The following KCTD16 variants were observed in gnomAD, a reference collection of about 807,000 sequenced individuals.
The protein encoded by KCTD16 is BTB/POZ domain-containing protein KCTD16.
A neutral mutation model predicts 33.2 loss-of-function variants in KCTD16; 13 were observed. That is an observed-to-expected ratio of 0.39 (90% CI 0.25 to 0.62). The LOEUF (loss-of-function observed/expected upper bound fraction) is 0.62, where lower values mean the gene tolerates loss of function less well. KCTD16 is among the 20% of genes least tolerant of loss of function. The probability of loss-of-function intolerance (pLI) is 0.50; values close to 1 mark genes in which losing one functional copy is unlikely to be tolerated. For synonymous variants in KCTD16, 197 were observed against 195.3 expected, an observed-to-expected ratio of 1.01 and a Z score of -0.07; for missense variants, 441 against 525.1, an observed-to-expected ratio of 0.84 and a Z score of 1.57.
At chr5:144,417,596 T>C (rs1045276560) in intron 3 of KCTD16, among the ~76,000 whole-genome samples, 18 of 152,162 alleles carry the variant, frequency 1.2e-4, no homozygotes, top group Non-Finnish European at 2.4e-4. Flanking sequence ...TAGAACAAAA[T>C]ATTTTTAAAT....
At chr5:144,278,518 T>A (rs1217110565) in intron 3 of KCTD16, among the ~76,000 whole-genome samples, 1 of 128,952 alleles carries the variant, frequency 7.8e-6, no homozygotes, top group South Asian at 2.3e-4. Context: ...TGAGACGGAG[T>A]CTCGCTCTGT....
In KCTD16 at chr5:144,351,400, A is replaced by T. The variant is rs142503853; in HGVS notation, c.833-122260A>T. ...GAATGGCTATTATCAAAAAGACAAG[A>T]TAAGTGTTGGTGAGGATGTGGGGAA... On this transcript the variant is annotated intron_variant, in intron 3 of 3. Transcript: ENST00000512467. 1.5e-3 allele frequency among the ~76,000 whole-genome samples: 233 copies of T among 152,312 alleles called. 1 individual carries two copies. Among genetic ancestry groups the T allele is most frequent in the African/African-American group, 5.4e-3 (224 of 41,562 alleles).
At chr5:144,171,480 A>C (rs1244312889) in intron 1 of KCTD16, among the ~76,000 whole-genome samples, 14 of 152,214 alleles carry the variant, frequency 9.2e-5, no homozygotes, top group Admixed American at 9.2e-4. Flanking sequence ...ATTTTGAGTC[A>C]GGATGTTTCT....
chr5:144,245,978 T>C (rs1754539142), intron 3 of KCTD16, among the ~76,000 whole-genome samples: 1 of 152,196 alleles, frequency 6.6e-6, no homozygotes, highest in African/African-American at 2.4e-5. Context: ...GGACACAAGA[T>C]GGCATTGAGA....
intron 2 of KCTD16, among the ~76,000 whole-genome samples, chr5:144,201,472 T>C (rs1480658244): frequency 6.6e-6 from 1 of 152,226 alleles, no homozygotes; most frequent in Non-Finnish European, 1.5e-5. Context: ...TCTTTATGCC[T>C]CAATTGGAGT....
intron 3 of KCTD16, among the ~76,000 whole-genome samples, chr5:144,227,198 G>A (rs1753960293): frequency 6.6e-6 from 1 of 152,208 alleles, no homozygotes; most frequent in Non-Finnish European, 1.5e-5. Flanking sequence ...AGCAGGCTGG[G>A]TTTAGGGATG....
intron 3 of KCTD16, among the ~76,000 whole-genome samples, chr5:144,215,083 T>C (rs1488211550): frequency 2.6e-5 from 4 of 152,168 alleles, no homozygotes; most frequent in African/African-American, 4.8e-5. Context: ...ATAATAATAA[T>C]AATGTTATTT....
intron 3 of KCTD16, among the ~76,000 whole-genome samples, chr5:144,450,203 C>G (rs547779357): frequency 6.6e-6 from 1 of 152,086 alleles, no homozygotes; most frequent in Non-Finnish European, 1.5e-5. Context: ...AAAAGGCACT[C>G]AACATCACTA....
At chr5:144,314,655 C>T (rs919228876) in intron 3 of KCTD16, among the ~76,000 whole-genome samples, 9 of 152,080 alleles carry the variant, frequency 5.9e-5, no homozygotes, top group African/African-American at 2.2e-4. Context: ...AGGAATCCAG[C>T]TATGTTCTTC....
At chr5:144,242,094 A>AT (rs149271435) in intron 3 of KCTD16, among the ~76,000 whole-genome samples, 7 of 151,898 alleles carry the variant, frequency 4.6e-5, no homozygotes, top group Non-Finnish European at 7.4e-5. Context: ...ATTTTATTTT[A>AT]TTTTTTTTGA....
At chr5:144,381,640 G>A (rs764482318) in intron 3 of KCTD16, among the ~76,000 whole-genome samples, 14 of 152,076 alleles carry the variant, frequency 9.2e-5, no homozygotes, top group Non-Finnish European at 1.3e-4. Flanking sequence ...ACCAGATCTC[G>A]TGTGAACTCA....
Position 144,474,132 on chromosome 5 carries a change from G to C in KCTD16, c.*18G>C. 3.0e-5 allele frequency: 40 copies of C among 1,343,352 alleles called. No homozygotes were observed. The highest frequency in any genetic ancestry group is 3.9e-5 in the Non-Finnish European group (38 of 977,394). 83.2% of individuals were successfully genotyped at this position (1,343,352 alleles called of 1,614,324 possible). On this transcript the variant is annotated 3_prime_UTR_variant, in exon 4 of 4. Coordinates refer to ENST00000512467, the MANE Select transcript of KCTD16 (RefSeq NM_020768.4). ...ATCTATAAGGGAGGGCTGGGGGCGG[G>C]AAAAGAAAAAAAAAAGTCATTTTGA...
chr5:144,367,967 A>C (rs1030987415), intron 3 of KCTD16, among the ~76,000 whole-genome samples: 5 of 151,808 alleles, frequency 3.3e-5, no homozygotes, highest in South Asian at 2.1e-4. Flanking sequence ...ACGTTCTAAC[A>C]TCTGTAGAAT....
chr5:144,451,181 G>T (rs1256435097), intron 3 of KCTD16, among the ~76,000 whole-genome samples: 1 of 152,052 alleles, frequency 6.6e-6, no homozygotes, highest in African/African-American at 2.4e-5. Context: ...GGAGAAGCTG[G>T]AGTCTCTCAG....
intron 3 of KCTD16, among the ~76,000 whole-genome samples, chr5:144,467,061 G>A (rs6580320): frequency 0.094 from 4,935 of 52,306 alleles, 321 homozygotes; most frequent in African/African-American, 0.21. Context: ...AACACTATAT[G>A]TATTATATAT....
intron 2 of KCTD16, among the ~76,000 whole-genome samples, chr5:144,187,152 C>G (rs1476448413): frequency 1.3e-5 from 2 of 152,060 alleles, no homozygotes; most frequent in African/African-American, 4.8e-5. Flanking sequence ...TGACAAATCT[C>G]ATTTATTTCT....
At chr5:144,373,417 C>T (rs543261740) in intron 3 of KCTD16, among the ~76,000 whole-genome samples, 4 of 152,120 alleles carry the variant, frequency 2.6e-5, no homozygotes, top group African/African-American at 9.7e-5. Context: ...AAAAATTTTC[C>T]ATCAATTTTC....
intron 3 of KCTD16, among the ~76,000 whole-genome samples, chr5:144,414,107 G>T (rs963779449): frequency 6.6e-6 from 1 of 152,098 alleles, no homozygotes; most frequent in African/African-American, 2.4e-5. Flanking sequence ...AATCTATCTA[G>T]CCACAAGTTA....
intron 2 of KCTD16, among the ~76,000 whole-genome samples, chr5:144,196,372 C>G (rs1457626152): frequency 1.3e-5 from 2 of 152,000 alleles, no homozygotes; most frequent in Non-Finnish European, 2.9e-5. Context: ...TTTCTTTACC[C>G]TTATAGGTAT....
Sources: allele counts gnomAD v4.1 joint callset (sites outside exome capture counted in the v4.1 genomes callset), GRCh38; gene constraint gnomAD v4.1.1; transcripts MANE v1.5; gene names NCBI Gene and HGNC (gene_info 2026-07-23, HGNC 2026-07-21).